NEDD4L: variants seen among roughly 807,000 people sequenced by gnomAD.
NEDD4L encodes the protein NEDD4 like E3 ubiquitin protein ligase.
NEDD4L carries 54 observed loss-of-function variants against 148.9 expected under a neutral mutation model. That is an observed-to-expected ratio of 0.36 (90% CI 0.29 to 0.45). The LOEUF (loss-of-function observed/expected upper bound fraction) is 0.45, where lower values mean the gene tolerates loss of function less well. NEDD4L is among the 20% of genes least tolerant of loss of function. The probability of loss-of-function intolerance (pLI) is 1.00; values close to 1 mark genes in which losing one functional copy is unlikely to be tolerated. For synonymous variants in NEDD4L, 433 were observed against 440.7 expected (o/e 0.98, Z 0.22); for missense variants, 856 against 1,233.8 (o/e 0.69, Z 4.59).
chr18:58,369,283 C>T (rs1248587755), intron 22 of NEDD4L, among the ~76,000 whole-genome samples: 3 of 152,084 alleles, frequency 2.0e-5, no homozygotes, highest in Non-Finnish European at 4.4e-5. Flanking sequence ...AGAAGATGGG[C>T]GGAAGCAGGA....
At chr18:58,126,407 C>A (rs1011273112) in intron 1 of NEDD4L, among the ~76,000 whole-genome samples, 1 of 152,200 alleles carries the variant, frequency 6.6e-6, no homozygotes, top group African/African-American at 2.4e-5. Context: ...TTGCTTGGGA[C>A]CCCTTTCACG....
chr18:58,399,289 CTT>C lies in NEDD4L; in HGVS notation c.*3023_*3024del, dbSNP rs2050698074. 6.6e-6 allele frequency: 1 copy of C among 152,218 alleles called. No individual in the cohort carries two copies. The highest frequency in any genetic ancestry group is 1.5e-5 in the Non-Finnish European group (1 of 68,062). The allele number at this position is 152,218 out of a possible 1,614,324, so 9.4% of individuals were successfully genotyped here. ...GCGGTGTATTCCCAGCTTCAGTGCT[CTT>C]TTCCTTTTTGCCTGAAATGTTTATG... On this transcript the variant is annotated 3_prime_UTR_variant, in exon 31 of 31. Transcript: ENST00000400345.
Position 58,347,205 on chromosome 18 carries a change from G to GCCCCCCCCC in NEDD4L, c.1576-2324_1576-2323insCCCCCCCCC, listed in dbSNP as rs138430099. On this transcript the variant is annotated intron_variant, in intron 16 of 30. Coordinates refer to ENST00000400345, the MANE Select transcript of NEDD4L (RefSeq NM_001144967.3). The stretch of plus-strand genomic sequence containing the variant: ...AATTTCAGCTTCTTTTCACGCTACG[G>GCCCCCCCCC]CCCCCCCCGCCCCCCCCCCCCCTTT... Among the ~76,000 whole-genome samples the GCCCCCCCCC allele has an allele frequency of 4.2e-3, 166 of 39,532 alleles. 15 individuals carry two copies. The highest frequency in any genetic ancestry group is 8.1e-3 in the African/African-American group (58 of 7,154). 25.9% of individuals were successfully genotyped at this position (39,532 alleles called of 152,430 possible). A position where few individuals can be genotyped will look rare whatever the true frequency, so the allele number is the denominator to read the frequency against.
chr18:58,339,771 A>T (rs185912419), intron 13 of NEDD4L, among the ~76,000 whole-genome samples: 1 of 152,306 alleles, frequency 6.6e-6, no homozygotes, highest in Non-Finnish European at 1.5e-5. Flanking sequence ...ACCCGGCAGC[A>T]TCCTTGTTGG....
rs570218781 is a variant in NEDD4L at position 58,236,434 on chromosome 18, G to A, written c.123-8993G>A. Among the ~76,000 whole-genome samples the A allele has an allele frequency of 3.3e-5, 5 of 152,318 alleles. No homozygotes were observed. In the East Asian group the frequency reaches 5.8e-4, roughly 18 times the overall value. ...CTTCTAACCATGAGGGAAGTAGGTG[G>A]GCTGTTCTGGTGACTCAGTGTCCTC... On this transcript the variant is annotated intron_variant, in intron 2 of 30. Coordinates refer to ENST00000400345, the MANE Select transcript of NEDD4L (RefSeq NM_001144967.3).
intron 1 of NEDD4L, chr18:58,046,265 C>G (rs569032137): frequency 2.6e-5 from 4 of 152,248 alleles, no homozygotes; most frequent in African/African-American, 7.2e-5. Flanking sequence ...CTTCTCCTCT[C>G]CCTCCTGGCT....
At chr18:58,272,814 C>T (rs2051253148) in intron 5 of NEDD4L, among the ~76,000 whole-genome samples, 1 of 152,194 alleles carries the variant, frequency 6.6e-6, no homozygotes, top group African/African-American at 2.4e-5. Flanking sequence ...GCAAGTAGTA[C>T]ATAAGACAGA....
intron 5 of NEDD4L, among the ~76,000 whole-genome samples, chr18:58,282,701 C>T (rs1053572027): frequency 2.0e-5 from 3 of 152,170 alleles, no homozygotes; most frequent in African/African-American, 7.2e-5. Flanking sequence ...TAACATTCTA[C>T]ATTTAGTTTT....
At chr18:58,233,410 A>G (rs2045500553) in intron 2 of NEDD4L, among the ~76,000 whole-genome samples, 1 of 152,218 alleles carries the variant, frequency 6.6e-6, no homozygotes, top group African/African-American at 2.4e-5. Flanking sequence ...GGCGGCAGAC[A>G]AGAGAGAAAT....
chr18:58,103,556 A>C (rs1413255584), intron 1 of NEDD4L, among the ~76,000 whole-genome samples: 4 of 152,284 alleles, frequency 2.6e-5, no homozygotes, highest in African/African-American at 7.2e-5. Context: ...TGGTCAGTGC[A>C]CATGTTCCTT....
At chr18:58,361,771 C>T (rs545551492) in intron 19 of NEDD4L, among the ~76,000 whole-genome samples, 6 of 152,172 alleles carry the variant, frequency 3.9e-5, no homozygotes, top group African/African-American at 1.2e-4. Context: ...AGCAAAAGGG[C>T]TTTAATCAAC....
intron 5 of NEDD4L, among the ~76,000 whole-genome samples, chr18:58,277,050 C>T (rs2052189552): frequency 6.6e-6 from 1 of 152,028 alleles, no homozygotes; most frequent in Non-Finnish European, 1.5e-5. Flanking sequence ...CTTTTCAGTG[C>T]CAGGCATACA....
chr18:58,083,342 C>A (rs1423250348), intron 1 of NEDD4L, among the ~76,000 whole-genome samples: 1 of 152,090 alleles, frequency 6.6e-6, no homozygotes, highest in African/African-American at 2.4e-5. Flanking sequence ...TAAATTAGTT[C>A]ATGCTATGGG....
intron 4 of NEDD4L, 82 bp downstream of exon 4, chr18:58,249,019 T>A: frequency 8.8e-6 from 6 of 681,152 alleles, no homozygotes; most frequent in Non-Finnish European, 1.4e-5. Flanking sequence ...GAGGAAAAGC[T>A]CTTAAATTTT....
chr18:58,062,453 T>A (rs2082375410), intron 1 of NEDD4L, among the ~76,000 whole-genome samples: 1 of 152,168 alleles, frequency 6.6e-6, no homozygotes. Flanking sequence ...TTTTATGTTG[T>A]GAGAAATAAA....
rs530616330 is a variant in NEDD4L, at chr18:58,355,922, G to A, written c.1709-1272G>A. Among the ~76,000 whole-genome samples the A allele has an allele frequency of 4.6e-5, 7 of 151,792 alleles. No individual in the cohort carries two copies. In the East Asian group the frequency reaches 9.7e-4, roughly 21 times the overall value. On this transcript the variant is annotated intron_variant, in intron 18 of 30. Coordinates refer to ENST00000400345, the MANE Select transcript of NEDD4L (RefSeq NM_001144967.3). ...AATTATTCTTATCAGCTCACTTACA[G>A]TGTATACAGAAAATAAACAGAATCA...
Position 58,396,857 on chromosome 18 carries a change from T to G in NEDD4L, c.*588T>G. ...TCCAAAAACCTACAGACAAGTACTTTGAGAGAATTTCCAATATAATATTAG... is the reference window on the plus strand; with the variant it reads ...TCCAAAAACCTACAGACAAGTACTTGGAGAGAATTTCCAATATAATATTAG... On this transcript the variant is annotated 3_prime_UTR_variant, in exon 31 of 31. Coordinates refer to ENST00000400345, the MANE Select transcript of NEDD4L (RefSeq NM_001144967.3). 1 of 152,600 alleles carries G rather than the reference T, an allele frequency of 6.6e-6. No individual in the cohort carries two copies. Among genetic ancestry groups the G allele is most frequent in the South Asian group, 2.1e-4 (1 of 4,830 alleles). 9.5% of individuals were successfully genotyped at this position (152,600 alleles called of 1,614,324 possible).
Position 58,399,738 on chromosome 18 carries a change from A to C in NEDD4L, c.*3469A>C, listed in dbSNP as rs2050733224. 6.6e-6 allele frequency: 1 copy of C among 152,176 alleles called. No homozygotes were observed. The highest frequency in any genetic ancestry group is 2.1e-4 in the South Asian group (1 of 4,824). The allele number at this position is 152,176 out of a possible 1,614,324, so 9.4% of individuals were successfully genotyped here. On this transcript the variant is annotated 3_prime_UTR_variant, in exon 31 of 31. Coordinates refer to ENST00000400345, the MANE Select transcript of NEDD4L (RefSeq NM_001144967.3). ...TGACCTCAGGTGATCCTCCCGCCTC[A>C]GCCTTCCAAAGTGCTGGGATTACAA...
chr18:58,374,261 G>A (rs1022349917), intron 24 of NEDD4L, among the ~76,000 whole-genome samples: 8 of 152,280 alleles, frequency 5.3e-5, no homozygotes, highest in Non-Finnish European at 8.8e-5. Flanking sequence ...TTATTCCCAT[G>A]TCCTGTGTTT....
Sources: gnomAD v4.1 joint callset for allele counts (sites outside exome capture counted in the v4.1 genomes callset) on GRCh38, gnomAD v4.1.1 for gene constraint, MANE v1.5 for transcripts, NCBI Gene and HGNC (gene_info 2026-07-23, HGNC 2026-07-21) for gene names.